MGAT4C: variants seen among roughly 807,000 people sequenced by gnomAD.
MGAT4C encodes the protein alpha-1,3-mannosyl-glycoprotein 4-beta-N-acetylglucosaminyltransferase C.
In MGAT4C, 19 loss-of-function variants were observed where a neutral mutation model predicts 40.1. The ratio of observed to expected loss-of-function variants is 0.47; its 90% CI spans 0.33 to 0.70. The LOEUF (loss-of-function observed/expected upper bound fraction) is 0.70. Ranked by LOEUF, MGAT4C falls within the 30% of genes least tolerant of loss-of-function variation. The probability of loss-of-function intolerance (pLI) is 0.02; values close to 1 mark genes in which losing one functional copy is unlikely to be tolerated. For synonymous variants in MGAT4C, 181 were observed against 187.1 expected (o/e 0.97, Z 0.27); for missense variants, 491 against 563.2 (o/e 0.87, Z 1.30).
rs527376984 is a variant in MGAT4C at position 86,045,331 on chromosome 12, C to A, written c.-7+4343G>T. ...TACTATTTATATTGGGAAGGCTTAT[C>A]CTAGTTGCCTACACTCCTCTCTCTC... On this transcript the variant is annotated intron_variant, in intron 2 of 4. Coordinates refer to ENST00000611864, the MANE Select transcript of MGAT4C (RefSeq NM_001351288.2). Among the ~76,000 whole-genome samples, 4 of 152,258 alleles carry A rather than the reference C, an allele frequency of 2.6e-5. No individual in the cohort carries two copies. The East Asian group carries it at 7.7e-4, about 29-fold the overall frequency.
At chr12:86,212,219 C>G (rs975158668) in intron 1 of MGAT4C, among the ~76,000 whole-genome samples, 1 of 152,234 alleles carries the variant, frequency 6.6e-6, no homozygotes, top group Admixed American at 6.5e-5. Context: ...CAAATAGCAT[C>G]CCGCCAAATT....
chr12:86,524,000 T>A (rs1386594744), intron 2 of MGAT4C, among the ~76,000 whole-genome samples: 1 of 152,136 alleles, frequency 6.6e-6, no homozygotes, highest in Admixed American at 6.6e-5. Context: ...GATGAGTCTC[T>A]TGAAGACAGC....
intron 1 of MGAT4C, among the ~76,000 whole-genome samples, chr12:86,806,360 AAAC>A (rs1186104329): frequency 6.6e-6 from 1 of 151,976 alleles, no homozygotes; most frequent in African/African-American, 2.4e-5. Context: ...CTATATTATA[AAAC>A]AACAACTAAC....
intron 1 of MGAT4C, among the ~76,000 whole-genome samples, chr12:86,054,749 G>T (rs1592795872): frequency 6.6e-6 from 1 of 151,592 alleles, no homozygotes; most frequent in East Asian, 1.9e-4. Context: ...GACAACAAAA[G>T]CCAGAAACAC....
intron 2 of MGAT4C, among the ~76,000 whole-genome samples, chr12:86,501,588 T>C (rs1285454020): frequency 1.4e-5 from 2 of 138,396 alleles, no homozygotes; most frequent in East Asian, 2.3e-4. Flanking sequence ...AGTGAGAACA[T>C]GCAGTGCTTG....
chr12:86,603,313 GTATA>G (rs1166316231), intron 2 of MGAT4C, among the ~76,000 whole-genome samples: 3 of 133,688 alleles, frequency 2.2e-5, no homozygotes, highest in Non-Finnish European at 3.1e-5. Context: ...TAATTATATA[GTATA>G]TATATAAAAT....
intron 2 of MGAT4C, among the ~76,000 whole-genome samples, chr12:86,477,802 G>A (rs1592895627): frequency 6.6e-6 from 1 of 151,914 alleles, no homozygotes; most frequent in Admixed American, 6.6e-5. Context: ...GCGTCCAAGT[G>A]TTATCATTGT....
chr12:86,686,045 T>C (rs1448396077), intron 2 of MGAT4C, among the ~76,000 whole-genome samples: 5 of 151,840 alleles, frequency 3.3e-5, no homozygotes, highest in Non-Finnish European at 7.4e-5. Context: ...TTTTAATTTT[T>C]TTTTTTTGTA....
Position 86,644,571 on chromosome 12 carries a change from T to C in MGAT4C, c.-229+82638A>G, listed in dbSNP as rs545369687. On this transcript the variant is annotated intron_variant, in intron 2 of 7. Transcript: ENST00000548651. ...ATAGACATATACATACCCTGTAACC[T>C]AGCAATTCTACCCGAAGTATCAACG... Among the ~76,000 whole-genome samples, 269 of 151,796 alleles carry C rather than the reference T, an allele frequency of 1.8e-3. 1 individual carries two copies. Among genetic ancestry groups the C allele is most frequent in the African/African-American group, 6.3e-3 (260 of 41,492 alleles).
At chr12:86,413,495 G>T (rs533036647) in intron 3 of MGAT4C, among the ~76,000 whole-genome samples, 1 of 152,254 alleles carries the variant, frequency 6.6e-6, no homozygotes, top group South Asian at 2.1e-4. Context: ...AGGTGAGAAG[G>T]GACAAGATCT....
intron 2 of MGAT4C, chr12:86,013,777 A>G (rs1320109557): frequency 1.0e-6 from 1 of 982,634 alleles, no homozygotes; most frequent in Non-Finnish European, 1.2e-6. Context: ...AAAAAAAAAA[A>G]AAGACTTTCT....
intron 1 of MGAT4C, among the ~76,000 whole-genome samples, chr12:86,146,452 T>G (rs1177776861): frequency 6.6e-6 from 1 of 152,160 alleles, no homozygotes; most frequent in Non-Finnish European, 1.5e-5. Context: ...TTTTTCATCT[T>G]CCATTCACTC....
chr12:86,105,114 A>T (rs937256295), intron 1 of MGAT4C, among the ~76,000 whole-genome samples: 1 of 152,194 alleles, frequency 6.6e-6, no homozygotes, highest in Non-Finnish European at 1.5e-5. Flanking sequence ...CAATCATATC[A>T]AGGCAAATGG....
intron 3 of MGAT4C, among the ~76,000 whole-genome samples, chr12:86,415,252 T>C (rs1212953734): frequency 6.6e-6 from 1 of 152,054 alleles, no homozygotes; most frequent in East Asian, 1.9e-4. Flanking sequence ...GTTCTAATTG[T>C]AGCAAAATTG....
chr12:86,708,712 A>G (rs2136627758), intron 2 of MGAT4C, among the ~76,000 whole-genome samples: 2 of 152,282 alleles, frequency 1.3e-5, no homozygotes, highest in East Asian at 1.9e-4. Flanking sequence ...TGAGACAAGG[A>G]GTCAAAGGAG....
At chr12:86,650,878 T>G (rs759300452) in intron 2 of MGAT4C, among the ~76,000 whole-genome samples, 1 of 151,880 alleles carries the variant, frequency 6.6e-6, no homozygotes, top group Non-Finnish European at 1.5e-5. Context: ...GTGATTGAAA[T>G]GTACAGTCCT....
intron 2 of MGAT4C, among the ~76,000 whole-genome samples, chr12:86,507,609 GC>G (rs1344406970): frequency 2.6e-5 from 4 of 152,158 alleles, no homozygotes; most frequent in African/African-American, 9.7e-5. Context: ...CTCATGTGGA[GC>G]CAAGCCCAGC....
At position 85,960,283 on chromosome 12, in the gene MGAT4C, G is replaced by A. The variant is rs1442558024; in HGVS notation, c.*19006C>T. On this transcript the variant is annotated 3_prime_UTR_variant, in exon 5 of 5. Coordinates refer to ENST00000611864, the MANE Select transcript of MGAT4C (RefSeq NM_001351288.2). ...AAAGATGACAAGGGCCGAAAAGGAAGTGATTTTCTCATTGAATAAGAGAAT... is the reference window on the plus strand; with the variant it reads ...AAAGATGACAAGGGCCGAAAAGGAAATGATTTTCTCATTGAATAAGAGAAT... The A allele has an allele frequency of 1.3e-5, 2 of 151,984 alleles. No individual in the cohort carries two copies. Among genetic ancestry groups the A allele is most frequent in the Non-Finnish European group, 2.9e-5 (2 of 67,912 alleles). 9.4% of individuals were successfully genotyped at this position (151,984 alleles called of 1,614,324 possible). A position where few individuals can be genotyped will look rare whatever the true frequency, so the allele number is the denominator to read the frequency against.
chr12:86,747,130 G>A (rs1951164704), intron 1 of MGAT4C, among the ~76,000 whole-genome samples: 1 of 151,620 alleles, frequency 6.6e-6, no homozygotes, highest in Non-Finnish European at 1.5e-5. Context: ...TAAACTCAGA[G>A]CATCCTCCAG....
Sources: allele counts gnomAD v4.1 joint callset (sites outside exome capture counted in the v4.1 genomes callset), GRCh38; gene constraint gnomAD v4.1.1; transcripts MANE v1.5; gene names NCBI Gene and HGNC (gene_info 2026-07-23, HGNC 2026-07-21).